PPP5C: variants seen among roughly 807,000 people sequenced by gnomAD.
The protein encoded by PPP5C is serine/threonine-protein phosphatase 5.
A neutral mutation model predicts 66.7 loss-of-function variants in PPP5C; 21 were observed. The observed-to-expected ratio is 0.31, with a 90% CI of 0.22 to 0.45. The LOEUF (loss-of-function observed/expected upper bound fraction) is 0.45, where lower values mean the gene tolerates loss of function less well. Ranked by LOEUF, PPP5C falls within the 20% of genes least tolerant of loss-of-function variation. PPP5C has a pLI of 1.00. For missense variants in PPP5C, 464 were observed against 675.9 expected, an observed-to-expected ratio of 0.69 and a Z score of 3.48; for synonymous variants, 246 against 257.4, an observed-to-expected ratio of 0.96 and a Z score of 0.43.
At chr19:46,379,137 T>C (rs1285937023) in intron 4 of PPP5C, among the ~76,000 whole-genome samples, 1 of 152,248 alleles carries the variant, frequency 6.6e-6, no homozygotes, top group Admixed American at 6.5e-5. Context: ...CACTGCAACC[T>C]CTGTGTCCCA....
At chr19:46,365,316 C>T (rs1433432314) in intron 2 of PPP5C, among the ~76,000 whole-genome samples, 3 of 150,858 alleles carry the variant, frequency 2.0e-5, no homozygotes, top group African/African-American at 4.9e-5. Context: ...CGGGGTTTCA[C>T]GATGTTGGCT....
chr19:46,361,589 TAAAAAAAA>T (rs935838226), intron 2 of PPP5C, among the ~76,000 whole-genome samples: 14 of 85,272 alleles, frequency 1.6e-4, no homozygotes, highest in African/African-American at 4.2e-4. Flanking sequence ...TACTAAAAAT[TAAAAAAAA>T]AAAAAAAAAA....
chr19:46,386,983 C>A, intron 7 of PPP5C, 110 bp from the exon 8 acceptor site: 2 of 1,499,788 alleles, frequency 1.3e-6, no homozygotes, highest in East Asian at 2.3e-5. Flanking sequence ...AAGTGCGAGG[C>A]CCATGGGGGC....
intron 2 of PPP5C, among the ~76,000 whole-genome samples, chr19:46,356,503 G>T (rs923365874): frequency 1.3e-5 from 2 of 152,164 alleles, no homozygotes; most frequent in African/African-American, 4.8e-5. Context: ...TTCCTCAGCG[G>T]TCTGCTCACT....
At chr19:46,375,140 G>C (rs1941021080) in intron 2 of PPP5C, among the ~76,000 whole-genome samples, 1 of 152,164 alleles carries the variant, frequency 6.6e-6, no homozygotes. Flanking sequence ...TAGGTAACCT[G>C]GGCTTGGGGA....
chr19:46,349,840 C>T (rs576474215), intron 1 of PPP5C, among the ~76,000 whole-genome samples: 9 of 150,466 alleles, frequency 6.0e-5, no homozygotes, highest in Admixed American at 2.6e-4. Flanking sequence ...AGAGGGTGGA[C>T]GGTACTCCAG....
In PPP5C at chr19:46,376,390, A is replaced by T. The variant is rs532331967; in HGVS notation, c.512-63A>T. On this transcript the variant is annotated intron_variant, in intron 3 of 12. Coordinates refer to ENST00000012443, the MANE Select transcript of PPP5C (RefSeq NM_006247.4). This position sits in a 1 kb window ranked among gnomAD's most constrained non-coding sequence, Gnocchi z 5.1. ...AGTTTTCCCCATCCCTGGGAGCGAG[A>T]CCCCCTTCTCCCTCATAGTGGCTGT... The T allele has an allele frequency of 5.0e-6, 8 of 1,588,516 alleles. No homozygotes were observed. In the African/African-American group the frequency reaches 5.4e-5, roughly 11 times the overall value.
chr19:46,347,514 A>G (rs1443904594), intron 1 of PPP5C, among the ~76,000 whole-genome samples: 1 of 151,504 alleles, frequency 6.6e-6, no homozygotes, highest in Non-Finnish European at 1.5e-5. Flanking sequence ...TGAGGCCTGT[A>G]GAGGGCGCTA....
Position 46,388,290 on chromosome 19 carries a change from C to T in PPP5C, c.1136-118C>T. ...ATGTCCATGCTGGATGTCCCCTGCC[C>T]AACACCCACCCAGGCTGGGCTGTGG... On this transcript the variant is annotated intron_variant, in intron 9 of 12. Coordinates refer to ENST00000012443, the MANE Select transcript of PPP5C (RefSeq NM_006247.4). This position sits in a 1 kb window ranked among gnomAD's most constrained non-coding sequence, Gnocchi z 4.9. 1.7e-6 allele frequency: 2 copies of T among 1,145,620 alleles called. No homozygotes were observed. The highest frequency in any genetic ancestry group is 2.4e-6 in the Non-Finnish European group (2 of 820,774). The allele number at this position is 1,145,620 out of a possible 1,614,324, so 71.0% of individuals were successfully genotyped here. A position where few individuals can be genotyped will look rare whatever the true frequency, so the allele number is the denominator to read the frequency against.
Position 46,390,950 on chromosome 19 carries a change from C to G in PPP5C, c.*604C>G. On this transcript the variant is annotated 3_prime_UTR_variant, in exon 13 of 13. Coordinates refer to ENST00000012443, the MANE Select transcript of PPP5C (RefSeq NM_006247.4). ...GGGGAGGCCGCAAAGTCCCGCTGGC[C>G]GGGCCCACCCAGCTCTGGGCTGACC... 8.5e-7 allele frequency: 1 copy of G among 1,179,828 alleles called. No homozygotes were observed. The highest frequency in any genetic ancestry group is 1.1e-6 in the Non-Finnish European group (1 of 934,258). The allele number at this position is 1,179,828 out of a possible 1,614,324, so 73.1% of individuals were successfully genotyped here.
intron 1 of PPP5C, among the ~76,000 whole-genome samples, chr19:46,352,636 CG>C (rs1194252195): frequency 6.6e-6 from 1 of 152,016 alleles, no homozygotes; most frequent in African/African-American, 2.4e-5. Context: ...CTGGCTAACA[CG>C]GTGAAACCCC....
chr19:46,384,739 A>C (rs1601443618), intron 6 of PPP5C, 65 bp from the exon 7 acceptor site: 3 of 1,270,612 alleles, frequency 2.4e-6, no homozygotes, highest in Non-Finnish European at 2.3e-6. Flanking sequence ...TTCTGCCACC[A>C]CCCCCAACCC....
At chr19:46,361,261 C>G (rs1972383703) in intron 2 of PPP5C, among the ~76,000 whole-genome samples, 1 of 151,156 alleles carries the variant, frequency 6.6e-6, no homozygotes, top group Admixed American at 6.6e-5. Flanking sequence ...TCCTGAGTAG[C>G]TGTGACTACA....
In PPP5C at chr19:46,347,087, G is replaced by C. The variant is rs769817540; in HGVS notation, c.-10G>C. The stretch of plus-strand genomic sequence containing the variant: ...GGCGGCCGTTGCCAGGGTAGGGGTC[G>C]CTTTGCGGCATGGCGATGGCGGAGG... On this transcript the variant is annotated 5_prime_UTR_variant, in exon 1 of 13. Transcript: ENST00000012443. 6.3e-7 allele frequency: 1 copy of C among 1,596,428 alleles called. No homozygotes were observed. The highest frequency in any genetic ancestry group is 1.3e-5 in the African/African-American group (1 of 74,568).
At chr19:46,368,763 C>A (rs1972533673) in intron 2 of PPP5C, among the ~76,000 whole-genome samples, 1 of 152,162 alleles carries the variant, frequency 6.6e-6, no homozygotes, top group Non-Finnish European at 1.5e-5. Context: ...ACTCTGTATG[C>A]CTTGCATACC....
rs755178312 is a variant in PPP5C at position 46,387,399 on chromosome 19, G to A, written c.1081G>A (p.Val361Ile). 3 of 1,612,078 alleles carry A rather than the reference G, an allele frequency of 1.9e-6. No homozygotes were observed. The highest frequency in any genetic ancestry group is 1.7e-5 in the Admixed American group (1 of 59,994). Reference sequence around the variant, plus strand: ...CGGAGGCCTGTTCAGTGAAGACGGTGTCACCCTGGATGACATCCGGAAAAT... The same window carrying A: ...CGGAGGCCTGTTCAGTGAAGACGGTATCACCCTGGATGACATCCGGAAAAT... ...MHGGLFSEDG[V>I]TLDDIRKIER... is the part of the protein sequence containing the mutation. Residue 361 changes from valine to isoleucine, a missense_variant, in exon 9 of 13, where the codon GTC becomes ATC. Coordinates refer to ENST00000012443, the MANE Select transcript of PPP5C (RefSeq NM_006247.4).
chr19:46,369,186 T>G (rs1972540505), intron 2 of PPP5C, among the ~76,000 whole-genome samples: 1 of 147,324 alleles, frequency 6.8e-6, no homozygotes, highest in East Asian at 1.9e-4. Flanking sequence ...TCATAGAGTG[T>G]GCTTACACAA....
chr19:46,352,171 A>C (rs1375911756), intron 1 of PPP5C, among the ~76,000 whole-genome samples: 1 of 152,124 alleles, frequency 6.6e-6, no homozygotes, highest in Non-Finnish European at 1.5e-5. Context: ...CCCCAACCCT[A>C]AACACTGGGC....
intron 7 of PPP5C, among the ~76,000 whole-genome samples, chr19:46,385,794 A>T (rs1313783241): frequency 4.0e-5 from 6 of 151,036 alleles, no homozygotes; most frequent in Non-Finnish European, 7.4e-5. Flanking sequence ...AAAAAAAAAA[A>T]GCCAGGCATG....
Sources: allele counts gnomAD v4.1 joint callset (sites outside exome capture counted in the v4.1 genomes callset), GRCh38; gene constraint gnomAD v4.1.1; non-coding constraint Gnocchi (gnomAD v3.1); transcripts MANE v1.5; gene names NCBI Gene and HGNC (gene_info 2026-07-23, HGNC 2026-07-21).